PACSIN2: variants seen among roughly 807,000 people sequenced by gnomAD.
The protein encoded by PACSIN2 is protein kinase C and casein kinase substrate in neurons 2, also known as protein kinase C and casein kinase substrate in neurons protein 2.
PACSIN2 carries 25 observed loss-of-function variants against 63.8 expected under a neutral mutation model. That is an observed-to-expected ratio of 0.39 (90% confidence interval 0.29 to 0.55). The LOEUF (loss-of-function observed/expected upper bound fraction) is 0.55, where lower values mean the gene tolerates loss of function less well. Among genes scored for constraint, PACSIN2 ranks in the 20% least tolerant of loss-of-function variants. The pLI is 0.62. For synonymous variants in PACSIN2, 255 were observed against 256.2 expected (o/e 1.00, Z 0.05); for missense variants, 518 against 646.9 (o/e 0.80, Z 2.16).
chr22:42,984,651 G>C (rs576993018), intron 1 of PACSIN2, among the ~76,000 whole-genome samples: 2 of 152,300 alleles, frequency 1.3e-5, no homozygotes, highest in African/African-American at 2.4e-5. Context: ...GGGCATCTGG[G>C]AATAAGGAGC....
At chr22:42,893,111 C>T (rs1930028540) in intron 3 of PACSIN2, among the ~76,000 whole-genome samples, 1 of 152,208 alleles carries the variant, frequency 6.6e-6, no homozygotes, top group Non-Finnish European at 1.5e-5. Context: ...ATAAACAGCT[C>T]TCAGTGTTAG....
intron 1 of PACSIN2, among the ~76,000 whole-genome samples, chr22:43,012,533 T>G (rs547301045): frequency 1.3e-5 from 2 of 152,198 alleles, no homozygotes; most frequent in South Asian, 2.1e-4. Flanking sequence ...CAGGCTAGAG[T>G]GCAGTGGTGT....
In PACSIN2 at chr22:42,983,033, T is replaced by C. The variant is rs371459358; in HGVS notation, c.-78+31988A>G. 7.7e-4 allele frequency among the ~76,000 whole-genome samples: 116 copies of C among 151,452 alleles called. 5 individuals carry two copies. In the South Asian group the frequency reaches 0.023, roughly 30 times the overall value. ...CCATCTCTACTAAAAATACAAAAAT[T>C]AGGCCGGGCACAGTGGCTTACAACT... On this transcript the variant is annotated intron_variant, in intron 1 of 10. Coordinates refer to ENST00000263246, the MANE Select transcript of PACSIN2 (RefSeq NM_001184970.3).
intron 2 of PACSIN2, among the ~76,000 whole-genome samples, chr22:42,909,160 C>T (rs1021080843): frequency 6.6e-6 from 1 of 152,144 alleles, no homozygotes; most frequent in African/African-American, 2.4e-5. Context: ...GCTGCCTTTC[C>T]TGCCCTTCCC....
chr22:42,917,432 T>A (rs1569267845), intron 1 of PACSIN2, among the ~76,000 whole-genome samples: 1 of 151,600 alleles, frequency 6.6e-6, no homozygotes, highest in Non-Finnish European at 1.5e-5. Context: ...CATAGTGAGA[T>A]CCCATCTCTA....
chr22:42,956,526 C>G (rs1933923529), intron 1 of PACSIN2, among the ~76,000 whole-genome samples: 1 of 152,138 alleles, frequency 6.6e-6, no homozygotes, highest in Admixed American at 6.5e-5. Context: ...AAATCAATAA[C>G]CCTTGTCTAA....
chr22:42,959,742 T>C (rs1934061940), intron 1 of PACSIN2: 1 of 152,136 alleles, frequency 6.6e-6, no homozygotes, highest in Non-Finnish European at 1.5e-5. Context: ...CCGTGAAAAT[T>C]CTACTTTCAA....
chr22:42,968,836 A>G (rs894630405), intron 1 of PACSIN2, among the ~76,000 whole-genome samples: 2 of 152,210 alleles, frequency 1.3e-5, no homozygotes, highest in African/African-American at 2.4e-5. Context: ...CTGGACTTAT[A>G]CCAGCGGCCC....
At chr22:42,930,491 T>G (rs1932762166) in intron 1 of PACSIN2, among the ~76,000 whole-genome samples, 1 of 152,212 alleles carries the variant, frequency 6.6e-6, no homozygotes, top group Admixed American at 6.5e-5. Context: ...AGTACATGGA[T>G]ACCCACGTTC....
chr22:42,963,529 C>G (rs1920930849), intron 1 of PACSIN2, among the ~76,000 whole-genome samples: 1 of 152,214 alleles, frequency 6.6e-6, no homozygotes, highest in East Asian at 1.9e-4. Flanking sequence ...GCTGCTGCTT[C>G]TATCTGAGGC....
intron 1 of PACSIN2, among the ~76,000 whole-genome samples, chr22:42,941,700 C>T (rs1049263561): frequency 2.6e-5 from 4 of 152,122 alleles, no homozygotes; most frequent in African/African-American, 9.7e-5. Context: ...TTTGAAGAAA[C>T]GTCGGTTTAG....
intron 1 of PACSIN2, among the ~76,000 whole-genome samples, chr22:42,916,156 A>G (rs1306955813): frequency 6.6e-6 from 1 of 152,180 alleles, no homozygotes; most frequent in African/African-American, 2.4e-5. Flanking sequence ...AATGAGATGA[A>G]GGTCTCAGTA....
intron 7 of PACSIN2, among the ~76,000 whole-genome samples, chr22:42,881,447 C>T (rs1406412891): frequency 6.6e-5 from 10 of 152,292 alleles, no homozygotes; most frequent in East Asian, 5.8e-4. Flanking sequence ...GCTGCTGAGT[C>T]GGGGAAGCCA....
intron 2 of PACSIN2, among the ~76,000 whole-genome samples, chr22:42,893,846 G>T (rs899866713): frequency 1.3e-5 from 2 of 152,114 alleles, no homozygotes; most frequent in African/African-American, 4.8e-5. Context: ...TGTTCTTTAG[G>T]TTGGGTACCA....
chr22:42,881,759 G>T (rs969695907), intron 7 of PACSIN2, among the ~76,000 whole-genome samples: 11 of 152,158 alleles, frequency 7.2e-5, no homozygotes. Flanking sequence ...GGAAGGGTAG[G>T]GAGGGCTGCC....
intron 5 of PACSIN2, among the ~76,000 whole-genome samples, chr22:42,887,824 G>A (rs1296032478): frequency 6.6e-6 from 1 of 152,162 alleles, no homozygotes; most frequent in Non-Finnish European, 1.5e-5. Flanking sequence ...AACCCATGGG[G>A]CAGAAAATCT....
At chr22:42,987,515 A>G (rs1922713526) in intron 1 of PACSIN2, among the ~76,000 whole-genome samples, 1 of 122,824 alleles carries the variant, frequency 8.1e-6, no homozygotes, top group African/African-American at 3.2e-5. Flanking sequence ...TGTTCAGAAG[A>G]CGGGCACATT....
At chr22:42,902,815 T>C (rs1044707707) in intron 2 of PACSIN2, among the ~76,000 whole-genome samples, 5 of 152,188 alleles carry the variant, frequency 3.3e-5, no homozygotes, top group Non-Finnish European at 5.9e-5. Context: ...GGCTTCGCCA[T>C]GTTGGCCAGG....
intron 1 of PACSIN2, among the ~76,000 whole-genome samples, chr22:42,945,159 T>C (rs969086497): frequency 6.6e-6 from 1 of 150,426 alleles, no homozygotes; most frequent in South Asian, 2.1e-4. Context: ...TAGCATGAGG[T>C]AGATGCTCAA....
Sources: allele counts gnomAD v4.1 joint callset (sites outside exome capture counted in the v4.1 genomes callset), GRCh38; gene constraint gnomAD v4.1.1; transcripts MANE v1.5; gene names NCBI Gene and HGNC (gene_info 2026-07-23, HGNC 2026-07-21).